The following TRIM63 variants were observed in gnomAD, a reference collection of about 807,000 sequenced individuals.
TRIM63 encodes the protein E3 ubiquitin-protein ligase TRIM63.
A neutral mutation model predicts 46.0 loss-of-function variants in TRIM63; 48 were observed. That is an observed-to-expected ratio of 1.04 (90% confidence interval 0.83 to 1.33). The LOEUF is 1.33. Ranked by LOEUF, TRIM63 falls within the 40% of genes most tolerant of loss-of-function variation. The pLI is 0.00. For missense variants in TRIM63, 455 were observed against 441.2 expected, an observed-to-expected ratio of 1.03 and a Z score of -0.28; for synonymous variants, 175 against 162.8, an observed-to-expected ratio of 1.08 and a Z score of -0.57.
chr1:26,062,376 C>T (rs2050634243), intron 2 of TRIM63, among the ~76,000 whole-genome samples: 1 of 151,910 alleles, frequency 6.6e-6, no homozygotes, highest in South Asian at 2.1e-4. Flanking sequence ...CATAAGAAAA[C>T]AATTTTTTTA....
intron 2 of TRIM63, among the ~76,000 whole-genome samples, chr1:26,065,175 C>T (rs1262507953): frequency 6.6e-6 from 1 of 152,246 alleles, no homozygotes; most frequent in African/African-American, 2.4e-5. Flanking sequence ...AGGCACGCGC[C>T]ACCACGCCTG....
intron 2 of TRIM63, among the ~76,000 whole-genome samples, chr1:26,065,507 A>T (rs1034780470): frequency 6.6e-6 from 1 of 152,038 alleles, no homozygotes. Flanking sequence ...GGGTCTCACT[A>T]TGTTGCCCTG....
chr1:26,065,566 CAG>C (rs2124443713), intron 2 of TRIM63, among the ~76,000 whole-genome samples: 1 of 152,320 alleles, frequency 6.6e-6, no homozygotes, highest in South Asian at 2.1e-4. Flanking sequence ...CTTGGCCTCC[CAG>C]AGTGTTGGGA....
At position 26,057,658 on chromosome 1, in the gene TRIM63, G is replaced by C. The variant is rs142134592; in HGVS notation, c.832-8C>G. 2.9e-5 allele frequency: 47 copies of C among 1,607,956 alleles called. No homozygotes were observed. The African/African-American group carries it at 5.6e-4, about 19-fold the overall frequency. ...GATGAGTTGCTTGGCAGTCTGCAGG[G>C]GGAGAGAGAACAAAGGATTAGGACC... On this transcript the variant is annotated splice_polypyrimidine_tract_variant and splice_region_variant and intron_variant, in intron 5 of 8. Transcript: ENST00000374272.
At chr1:26,066,116 G>A in intron 2 of TRIM63, 152 bp downstream of exon 2, 1 of 871,836 alleles carries the variant, frequency 1.1e-6, no homozygotes, top group Non-Finnish European at 1.8e-6. Flanking sequence ...TGGGGTGTAT[G>A]GGTCTCCAGT....
At chr1:26,066,529 C>G (rs2050680196) in intron 1 of TRIM63, 89 bp from the exon 2 acceptor site, 1 of 1,255,386 alleles carries the variant, frequency 8.0e-7, no homozygotes, top group African/African-American at 1.5e-5. Context: ...CTCTGCCTAT[C>G]CGAACCACCC....
chr1:26,067,474 C>T lies in TRIM63; in HGVS notation c.21G>A (p.Leu7=), dbSNP rs761191439. 5.0e-6 allele frequency: 8 copies of T among 1,614,024 alleles called. No homozygotes were observed. The highest frequency in any genetic ancestry group is 2.5e-6 in the Non-Finnish European group (3 of 1,180,048). The change falls in exon 1 of 9, where the codon CTG becomes CTA. Residue 7 remains leucine, a synonymous_variant. Transcript: ENST00000374272. MDYKSS[L]IQDGNPMENL... ...TCTCCATGGGATTCCCATCCTGGATCAGGCTCGACTTATAATCCATTCTGT... is the reference window on the plus strand; with the variant it reads ...TCTCCATGGGATTCCCATCCTGGATTAGGCTCGACTTATAATCCATTCTGT...
At chr1:26,052,556 C>A (rs976861436) in intron 8 of TRIM63, among the ~76,000 whole-genome samples, 1 of 152,086 alleles carries the variant, frequency 6.6e-6, no homozygotes, top group South Asian at 2.1e-4. Flanking sequence ...GCTCCGCCCC[C>A]CTGGGGTTCT....
At chr1:26,065,372 T>C (rs1377790531) in intron 2 of TRIM63, among the ~76,000 whole-genome samples, 2 of 152,104 alleles carry the variant, frequency 1.3e-5, no homozygotes, top group African/African-American at 4.8e-5. Flanking sequence ...TCACCCAGGC[T>C]GGAGTGCAGT....
In TRIM63 at chr1:26,051,733, CAG is replaced by C; in HGVS notation, c.*138_*139del. ...CCTACCCTAGTCCCTGCTCTCTGAG[CAG>C]AGAGAAGACATCACCTCCCCATTGC... On this transcript the variant is annotated 3_prime_UTR_variant, in exon 9 of 9. Transcript: ENST00000374272. 1 of 555,424 alleles carries C rather than the reference CAG, an allele frequency of 1.8e-6. No individual in the cohort carries two copies. The highest frequency in any genetic ancestry group is 2.8e-6 in the Non-Finnish European group (1 of 355,354). 34.4% of individuals were successfully genotyped at this position (555,424 alleles called of 1,614,324 possible). A position where few individuals can be genotyped will look rare whatever the true frequency, so the allele number is the denominator to read the frequency against.
intron 3 of TRIM63, among the ~76,000 whole-genome samples, chr1:26,060,757 C>G (rs2050616298): frequency 6.6e-6 from 1 of 152,178 alleles, no homozygotes; most frequent in Non-Finnish European, 1.5e-5. Flanking sequence ...ACTGCACGGA[C>G]AGGGTGGTGG....
At chr1:26,057,924 C>T (rs1023394972) in intron 5 of TRIM63, among the ~76,000 whole-genome samples, 3 of 152,252 alleles carry the variant, frequency 2.0e-5, no homozygotes, top group Non-Finnish European at 2.9e-5. Context: ...CCCTGAACTC[C>T]CCAATCCTAA....
chr1:26,055,829 T>A (rs922697282), intron 7 of TRIM63, among the ~76,000 whole-genome samples: 1 of 152,154 alleles, frequency 6.6e-6, no homozygotes, highest in African/African-American at 2.4e-5. Context: ...CTTGAATATC[T>A]TAGCTTAGGG....
At chr1:26,056,592 A>T (rs1208795159) in intron 7 of TRIM63, among the ~76,000 whole-genome samples, 1 of 152,132 alleles carries the variant, frequency 6.6e-6, no homozygotes, top group Non-Finnish European at 1.5e-5. Flanking sequence ...TAAACAAATG[A>T]CAGAACCAGG....
chr1:26,054,093 C>CG, intron 7 of TRIM63, 129 bp from the exon 8 acceptor site: 1 of 607,238 alleles, frequency 1.6e-6, no homozygotes, highest in Non-Finnish European at 2.8e-6. Context: ...GGCCACACAG[C>CG]GGCGGCAGTG....
chr1:26,067,042 C>G (rs559506402), intron 1 of TRIM63, among the ~76,000 whole-genome samples: 1 of 152,128 alleles, frequency 6.6e-6, no homozygotes, highest in East Asian at 1.9e-4. Flanking sequence ...CTGCCTACCC[C>G]GCTTATCACT....
chr1:26,058,966 CTT>C (rs1172255013), intron 4 of TRIM63, among the ~76,000 whole-genome samples: 1 of 151,460 alleles, frequency 6.6e-6, no homozygotes, highest in Non-Finnish European at 1.5e-5. Flanking sequence ...AGCATCACCT[CTT>C]AGACCAATGC....
chr1:26,053,546 T>G (rs1247922706), intron 8 of TRIM63, among the ~76,000 whole-genome samples: 2 of 152,230 alleles, frequency 1.3e-5, no homozygotes, highest in African/African-American at 4.8e-5. Flanking sequence ...TTTGTTTGTT[T>G]GTTTGTTTTA....
At chr1:26,057,683 C>T (rs771550932) in intron 5 of TRIM63, 33 bp from the exon 6 acceptor site, 8 of 1,590,058 alleles carry the variant, frequency 5.0e-6, no homozygotes, top group Middle Eastern at 1.7e-4. Flanking sequence ...GGATTAGGAC[C>T]GCAGAAGAGG....
Sources: gnomAD v4.1 joint callset for allele counts (sites outside exome capture counted in the v4.1 genomes callset) on GRCh38, gnomAD v4.1.1 for gene constraint, MANE v1.5 for transcripts, NCBI Gene and HGNC (gene_info 2026-07-23, HGNC 2026-07-21) for gene names.